Variants in SPAG16 observed in about 807,000 individuals in gnomAD.
SPAG16 encodes the protein sperm associated antigen 16, also known as sperm-associated antigen 16 protein.
A neutral mutation model predicts 80.4 loss-of-function variants in SPAG16; 86 were observed. The ratio of observed to expected loss-of-function variants is 1.07; its 90% confidence interval spans 0.90 to 1.28. The LOEUF is 1.28. Among genes scored for constraint, SPAG16 ranks in the 50% most tolerant of loss-of-function variants. The pLI is 0.00. For synonymous variants in SPAG16, 294 were observed against 265.9 expected (o/e 1.11, Z -1.03); for missense variants, 870 against 765.3 (o/e 1.14, Z -1.61).
At chr2:213,873,928 C>T (rs111941751) in intron 11 of SPAG16, among the ~76,000 whole-genome samples, 41 of 152,258 alleles carry the variant, frequency 2.7e-4, no homozygotes, top group African/African-American at 8.9e-4. Context: ...ATAGACTATA[C>T]AGACTATAGC....
At chr2:213,934,683 A>G (rs2372102) in intron 12 of SPAG16, among the ~76,000 whole-genome samples, 92,588 of 152,026 alleles carry the variant, frequency 0.61, 29,577 homozygotes, top group South Asian at 0.83. Context: ...GTATGTCTGC[A>G]TCACTAAGTT....
At chr2:213,678,642 A>T (rs1443411981) in intron 10 of SPAG16, among the ~76,000 whole-genome samples, 1 of 152,130 alleles carries the variant, frequency 6.6e-6, no homozygotes, top group Non-Finnish European at 1.5e-5. Flanking sequence ...TTCACCCATT[A>T]TCAGTTCTTT....
intron 13 of SPAG16, among the ~76,000 whole-genome samples, chr2:214,039,150 G>A (rs1282213829): frequency 6.6e-6 from 1 of 152,160 alleles, no homozygotes; most frequent in Non-Finnish European, 1.5e-5. Context: ...CTAGTTTACA[G>A]TCCCACCAAC....
At chr2:214,070,727 CATA>C (rs2050748665) in intron 13 of SPAG16, among the ~76,000 whole-genome samples, 1 of 152,000 alleles carries the variant, frequency 6.6e-6, no homozygotes, top group Non-Finnish European at 1.5e-5. Context: ...GAGTTTCTAA[CATA>C]TAACCACCCT....
chr2:214,236,657 A>G (rs549326948), intron 15 of SPAG16, among the ~76,000 whole-genome samples: 5 of 152,284 alleles, frequency 3.3e-5, no homozygotes, highest in African/African-American at 1.2e-4. Context: ...GTTTCAAAAA[A>G]AAAAAAAGAT....
At chr2:213,723,796 T>A (rs1319634970) in intron 10 of SPAG16, among the ~76,000 whole-genome samples, 1 of 152,134 alleles carries the variant, frequency 6.6e-6, no homozygotes, top group Non-Finnish European at 1.5e-5. Context: ...ATTCACAGAC[T>A]CTCGGTTTGT....
At chr2:213,318,955 C>T (rs183053691) in intron 5 of SPAG16, among the ~76,000 whole-genome samples, 4 of 152,052 alleles carry the variant, frequency 2.6e-5, no homozygotes, top group Admixed American at 2.0e-4. Flanking sequence ...GATCTCTCCA[C>T]ACCTTTCTTT....
intron 15 of SPAG16, among the ~76,000 whole-genome samples, chr2:214,245,955 C>T (rs1352713370): frequency 6.6e-6 from 1 of 152,094 alleles, no homozygotes; most frequent in East Asian, 1.9e-4. Context: ...TTTACATGCA[C>T]AGTTAAGCCA....
At chr2:213,598,741 G>A (rs892640921) in intron 10 of SPAG16, among the ~76,000 whole-genome samples, 1 of 152,162 alleles carries the variant, frequency 6.6e-6, no homozygotes, top group Non-Finnish European at 1.5e-5. Context: ...GAGGTACTGA[G>A]ACAGGAATAA....
intron 13 of SPAG16, among the ~76,000 whole-genome samples, chr2:214,044,835 G>A (rs191787772): frequency 6.4e-4 from 97 of 152,332 alleles, no homozygotes; most frequent in Non-Finnish European, 1.3e-3. Flanking sequence ...CTTGGAGGAA[G>A]TGTTTAAACC....
At chr2:213,853,364 T>C (rs1449976351) in intron 10 of SPAG16, among the ~76,000 whole-genome samples, 2 of 152,198 alleles carry the variant, frequency 1.3e-5, no homozygotes, top group African/African-American at 4.8e-5. Flanking sequence ...ATGCCACTAC[T>C]GGAAAGAACA....
At chr2:213,644,041 A>G (rs769702384) in intron 10 of SPAG16, among the ~76,000 whole-genome samples, 14 of 150,936 alleles carry the variant, frequency 9.3e-5, no homozygotes, top group Non-Finnish European at 1.8e-4. Flanking sequence ...TCAGCCTCCC[A>G]AAATGCTGGG....
At chr2:214,247,663 C>T (rs1689943699) in intron 15 of SPAG16, among the ~76,000 whole-genome samples, 1 of 152,118 alleles carries the variant, frequency 6.6e-6, no homozygotes, top group Non-Finnish European at 1.5e-5. Context: ...TTATAGCAAA[C>T]ATTGGACTAG....
intron 9 of SPAG16, among the ~76,000 whole-genome samples, chr2:213,424,632 C>A (rs1361103859): frequency 6.6e-6 from 1 of 152,124 alleles, no homozygotes; most frequent in Non-Finnish European, 1.5e-5. Context: ...ACCTTAATGA[C>A]TCTAATGGCA....
Position 214,108,208 on chromosome 2 carries a change from C to G in SPAG16, c.1540C>G (p.Gln514Glu). The G allele has an allele frequency of 3.1e-6, 5 of 1,590,132 alleles. No homozygotes were observed. The highest frequency in any genetic ancestry group is 4.3e-6 in the Non-Finnish European group (5 of 1,162,842). Residue 514 changes from glutamine to glutamate, a missense_variant, in exon 14 of 16, where the codon CAG (glutamine) becomes GAG (glutamate). By Grantham distance (29) the Gln-to-Glu change is conservative. Coordinates refer to ENST00000331683, the MANE Select transcript of SPAG16 (RefSeq NM_024532.5). ...TTTGTCTTCCTAGGGTATATGTGAGCAGTCACTTTATGGTCACATGCATTC... is the reference window on the plus strand; with the variant it reads ...TTTGTCTTCCTAGGGTATATGTGAGGAGTCACTTTATGGTCACATGCATTC... ...IWDARTGICE[Q>E]SLYGHMHSIN... is the part of the protein sequence containing the mutation.
Position 214,149,141 on chromosome 2 carries a change from G to C in SPAG16, c.1595G>C (p.Gly532Ala). Residue 532 changes from glycine to alanine, a missense_variant and splice_region_variant, in exon 15 of 16, where the codon GGT (glycine) becomes GCT (alanine). Transcript: ENST00000331683. ...SINDAIFDPR[G>A]HMIASCDACG... is the part of the protein sequence containing the mutation. ...TTTTGTTTATCTTATATTTTGAAGG[G>C]TCACATGATAGCATCCTGTGATGCC... 6.5e-7 allele frequency: 1 copy of C among 1,545,280 alleles called. No homozygotes were observed.
intron 10 of SPAG16, among the ~76,000 whole-genome samples, chr2:213,670,003 T>G (rs971994060): frequency 6.8e-6 from 1 of 146,228 alleles, no homozygotes; most frequent in African/African-American, 2.5e-5. Flanking sequence ...TTCTAATTCT[T>G]TTTTTTTTTT....
intron 10 of SPAG16, among the ~76,000 whole-genome samples, chr2:213,788,969 T>C (rs1946413): frequency 0.31 from 47,265 of 151,670 alleles, 7,562 homozygotes; most frequent in Middle Eastern, 0.38. Context: ...TATAGCATCA[T>C]TTGCTTTATA....
chr2:214,125,207 CTG>C (rs1345743526), intron 14 of SPAG16, among the ~76,000 whole-genome samples: 1 of 151,480 alleles, frequency 6.6e-6, no homozygotes, highest in Non-Finnish European at 1.5e-5. Flanking sequence ...AGTATACACT[CTG>C]TTTCTTTTTC....
Sources: gnomAD v4.1 joint callset for allele counts (sites outside exome capture counted in the v4.1 genomes callset) on GRCh38, gnomAD v4.1.1 for gene constraint, MANE v1.5 for transcripts, NCBI Gene and HGNC (gene_info 2026-07-23, HGNC 2026-07-21) for gene names.